The following AGAP1 variants were observed in gnomAD, a reference collection of about 807,000 sequenced individuals.
AGAP1 encodes arf-GAP with GTPase, ANK repeat and PH domain-containing protein 1.
In AGAP1, 29 loss-of-function variants were observed where a neutral mutation model predicts 105.3. The observed-to-expected ratio is 0.28, with a 90% confidence interval of 0.21 to 0.38. The LOEUF is 0.38. Among genes scored for constraint, AGAP1 ranks in the 10% least tolerant of loss-of-function variants. AGAP1 has a pLI of 1.00. For missense variants in AGAP1, 998 were observed against 1,165.1 expected, an observed-to-expected ratio of 0.86 and a Z score of 2.09; for synonymous variants, 509 against 485.9, an observed-to-expected ratio of 1.05 and a Z score of -0.63.
chr2:235,975,721 A>G (rs766885062), intron 13 of AGAP1, among the ~76,000 whole-genome samples: 8 of 152,312 alleles, frequency 5.3e-5, no homozygotes, highest in Middle Eastern at 3.4e-3. Flanking sequence ...ATCCAGTTGC[A>G]CAAGTGTTAC....
chr2:235,762,110 CAAAAAAAA>C (rs200107455), intron 6 of AGAP1, among the ~76,000 whole-genome samples: 2 of 100,986 alleles, frequency 2.0e-5, no homozygotes, highest in East Asian at 2.7e-4. Context: ...AACTCCGTCT[CAAAAAAAA>C]AAAAAAAAAA....
rs1559276785 is a variant in AGAP1 at position 235,596,265 on chromosome 2, G to T, written c.163+101416G>T. The stretch of plus-strand genomic sequence containing the variant: ...GATGTGTATTCACTGTTATTTAACA[G>T]ATGCTCAAACTAGACAGGTGGGACT... On this transcript the variant is annotated intron_variant, in intron 1 of 17. Transcript: ENST00000304032. The surrounding 1 kb of genome is among the most constrained non-coding windows in gnomAD (Gnocchi z 5.9). Among the ~76,000 whole-genome samples the T allele has an allele frequency of 6.6e-6, 1 of 152,208 alleles. No individual in the cohort carries two copies. Among genetic ancestry groups the T allele is most frequent in the Admixed American group, 6.5e-5 (1 of 15,286 alleles).
intron 15 of AGAP1, among the ~76,000 whole-genome samples, chr2:236,048,260 T>A (rs899566317): frequency 6.6e-6 from 1 of 152,248 alleles, no homozygotes; most frequent in Non-Finnish European, 1.5e-5. Context: ...CTTCTGATGA[T>A]GCCAGCCAGT....
At position 235,577,954 on chromosome 2, in the gene AGAP1, G is replaced by A. The variant is rs1350328461; in HGVS notation, c.163+83105G>A. Among the ~76,000 whole-genome samples the A allele has an allele frequency of 1.3e-5, 2 of 152,134 alleles. No homozygotes were observed. Among genetic ancestry groups the A allele is most frequent in the Admixed American group, 1.3e-4 (2 of 15,272 alleles). ...CTCCTGATGCAGACAAGGGAGCAGT[G>A]TCTGCACAGGGGGTCTGGATCGCAC... On this transcript the variant is annotated intron_variant, in intron 1 of 17. Coordinates refer to ENST00000304032, the MANE Select transcript of AGAP1 (RefSeq NM_001037131.3). The surrounding 1 kb of genome is among the most constrained non-coding windows in gnomAD (Gnocchi z 4.5).
At chr2:235,756,860 C>G (rs2149751867) in intron 6 of AGAP1, among the ~76,000 whole-genome samples, 1 of 152,230 alleles carries the variant, frequency 6.6e-6, no homozygotes, top group Admixed American at 6.5e-5. Flanking sequence ...AAACCATCCC[C>G]ATCCCCCACC....
rs145513320 is a variant in AGAP1, at chr2:235,689,788, C to G, written c.164-19391C>G. Among the ~76,000 whole-genome samples, 1 of 152,226 alleles carries G rather than the reference C, an allele frequency of 6.6e-6. No individual in the cohort carries two copies. The highest frequency in any genetic ancestry group is 1.5e-5 in the Non-Finnish European group (1 of 68,052). On this transcript the variant is annotated intron_variant, in intron 1 of 17. Coordinates refer to ENST00000304032, the MANE Select transcript of AGAP1 (RefSeq NM_001037131.3). This position sits in a 1 kb window ranked among gnomAD's most constrained non-coding sequence, Gnocchi z 4.2. ...TGCACACTTGTGTGACGTGTCAGCT[C>G]GTGCCTGCAGAGACTCTGCCAGCAG...
chr2:235,573,038 T>TCTC (rs1944605816), intron 1 of AGAP1, among the ~76,000 whole-genome samples: 1 of 26,528 alleles, frequency 3.8e-5, no homozygotes, highest in Non-Finnish European at 6.8e-5. Flanking sequence ...TTCTTCTTCT[T>TCTC]CTTCTTCTTC....
intron 1 of AGAP1, among the ~76,000 whole-genome samples, chr2:235,501,172 G>T (rs916311086): frequency 1.3e-5 from 2 of 152,140 alleles, no homozygotes; most frequent in East Asian, 3.9e-4. Flanking sequence ...TTGCTGTCAG[G>T]GGCATCTGTC....
At chr2:235,496,233 AG>A (rs1191142475) in intron 1 of AGAP1, among the ~76,000 whole-genome samples, 5 of 151,418 alleles carry the variant, frequency 3.3e-5, no homozygotes, top group African/African-American at 1.2e-4. Flanking sequence ...TGTTAATTCC[AG>A]GGGAGGATCC....
intron 1 of AGAP1, among the ~76,000 whole-genome samples, chr2:235,666,244 C>A (rs555350551): frequency 6.6e-6 from 1 of 151,998 alleles, no homozygotes; most frequent in South Asian, 2.1e-4. Context: ...TGCTCCATGG[C>A]ATGAAAAAAT....
chr2:235,686,646 G>T (rs6726875), intron 1 of AGAP1, among the ~76,000 whole-genome samples: 2,948 of 17,804 alleles, frequency 0.17, 139 homozygotes, highest in East Asian at 0.33. Flanking sequence ...TATATATATA[G>T]ATATATATAT....
At position 235,989,146 on chromosome 2, in the gene AGAP1, A is replaced by G. The variant is rs2055449145; in HGVS notation, c.1645+20523A>G. On this transcript the variant is annotated intron_variant, in intron 13 of 17. Coordinates refer to ENST00000304032, the MANE Select transcript of AGAP1 (RefSeq NM_001037131.3). This position sits in a 1 kb window ranked among gnomAD's most constrained non-coding sequence, Gnocchi z 4.4. ...ATGGTTGTTGTTATTTAAAACTGCA[A>G]GACGTAGGCAATACCAGGTCTTAAC... is the stretch of plus-strand genomic sequence containing the variant. Among the ~76,000 whole-genome samples, 1 of 152,188 alleles carries G rather than the reference A, an allele frequency of 6.6e-6. No homozygotes were observed. Among genetic ancestry groups the G allele is most frequent in the Admixed American group, 6.5e-5 (1 of 15,276 alleles).
intron 6 of AGAP1, among the ~76,000 whole-genome samples, chr2:235,791,498 CT>C (rs1029509224): frequency 6.6e-6 from 1 of 152,180 alleles, no homozygotes; most frequent in Admixed American, 6.5e-5. Context: ...GTCCAAACTC[CT>C]GACGCACAGA....
Position 235,611,829 on chromosome 2 carries a change from AG to A in AGAP1, c.164-97348del, listed in dbSNP as rs1347486284. Among the ~76,000 whole-genome samples the A allele has an allele frequency of 6.6e-6, 1 of 152,244 alleles. No individual in the cohort carries two copies. Among genetic ancestry groups the A allele is most frequent in the Non-Finnish European group, 1.5e-5 (1 of 68,040 alleles). Reference sequence around the variant, plus strand: ...GTTTTCATATAAATTAGATTTACATAGGAGACAAAGAAATCCTTCCCTCCCT... The same window carrying A: ...GTTTTCATATAAATTAGATTTACATAGAGACAAAGAAATCCTTCCCTCCCT... On this transcript the variant is annotated intron_variant, in intron 1 of 17. Transcript: ENST00000304032. This position sits in a 1 kb window ranked among gnomAD's most constrained non-coding sequence, Gnocchi z 5.0.
chr2:235,643,431 C>CAAAAAAAAA (rs56146940), intron 1 of AGAP1, among the ~76,000 whole-genome samples: 46 of 61,406 alleles, frequency 7.5e-4, no homozygotes, highest in East Asian at 1.3e-3. Flanking sequence ...GACTGGGTCT[C>CAAAAAAAAA]AAAAAAAAAA....
chr2:235,737,762 C>T lies in AGAP1; in HGVS notation c.311-3201C>T, dbSNP rs1191627019. ...AAGTTCCCACTCCTGGAGAGGTAGG[C>T]AGCGAGGGACACTGGCGTTGCAGGG... On this transcript the variant is annotated intron_variant, in intron 3 of 17. Coordinates refer to ENST00000304032, the MANE Select transcript of AGAP1 (RefSeq NM_001037131.3). This position sits in a 1 kb window ranked among gnomAD's most constrained non-coding sequence, Gnocchi z 4.5. 1.2e-4 allele frequency among the ~76,000 whole-genome samples: 19 copies of T among 152,116 alleles called. No homozygotes were observed. The highest frequency in any genetic ancestry group is 1.1e-3 in the Admixed American group (17 of 15,272).
In AGAP1 at chr2:235,839,405, T is replaced by C. The variant is rs562472859; in HGVS notation, c.1050+32074T>C. ...TGGGGCCCGGGCATCTATTCTCTAG[T>C]GTTTCCCATTTAAAGGTGTTCATCA... On this transcript the variant is annotated intron_variant, in intron 9 of 17. Transcript: ENST00000304032. 2.6e-5 allele frequency among the ~76,000 whole-genome samples: 4 copies of C among 152,250 alleles called. No individual in the cohort carries two copies. In the East Asian group the frequency reaches 5.8e-4, roughly 22 times the overall value.
chr2:235,599,538 A>C lies in AGAP1; in HGVS notation c.163+104689A>C, dbSNP rs927719641. On this transcript the variant is annotated intron_variant, in intron 1 of 17. Transcript: ENST00000304032. The surrounding 1 kb of genome is among the most constrained non-coding windows in gnomAD (Gnocchi z 5.3). ...TAGCCACAAAAATAAGTTTATAAAA[A>C]GCCCCCACCAAGTCAGGATTTGTCC... Among the ~76,000 whole-genome samples the C allele has an allele frequency of 3.9e-5, 6 of 152,184 alleles. No homozygotes were observed. Among genetic ancestry groups the C allele is most frequent in the African/African-American group, 1.4e-4 (6 of 41,432 alleles).
chr2:235,838,812 C>G (rs1416868244), intron 9 of AGAP1, among the ~76,000 whole-genome samples: 1 of 152,124 alleles, frequency 6.6e-6, no homozygotes, highest in African/African-American at 2.4e-5. Flanking sequence ...ATTTAGTGAA[C>G]AGAAAGCCTC....
Sources: allele counts gnomAD v4.1 joint callset (sites outside exome capture counted in the v4.1 genomes callset), GRCh38; gene constraint gnomAD v4.1.1; non-coding constraint Gnocchi (gnomAD v3.1); transcripts MANE v1.5; gene names NCBI Gene and HGNC (gene_info 2026-07-23, HGNC 2026-07-21).